VWA8: variants seen among roughly 807,000 people sequenced by gnomAD.
VWA8 encodes the protein von Willebrand factor A domain containing 8.
A neutral mutation model predicts 241.5 loss-of-function variants in VWA8; 221 were observed. That is an observed-to-expected ratio of 0.91 (90% confidence interval 0.82 to 1.02). The LOEUF is 1.02. Ranked by LOEUF, VWA8 falls within the 50% of genes least tolerant of loss-of-function variation. VWA8 has a pLI of 0.00. For synonymous variants in VWA8, 852 were observed against 827.1 expected (o/e 1.03, Z -0.52); for missense variants, 2,322 against 2,328.7 (o/e 1.00, Z 0.06).
intron 26 of VWA8, among the ~76,000 whole-genome samples, chr13:41,713,580 C>T (rs910536573): frequency 1.3e-5 from 2 of 152,114 alleles, no homozygotes; most frequent in Non-Finnish European, 2.9e-5. Flanking sequence ...ATTAGGGCAT[C>T]CTTTCCAGCT....
At chr13:41,650,171 AAAT>A (rs1452020888) in intron 37 of VWA8, among the ~76,000 whole-genome samples, 1 of 152,208 alleles carries the variant, frequency 6.6e-6, no homozygotes, top group Non-Finnish European at 1.5e-5. Flanking sequence ...TTATTATCAT[AAAT>A]AATAATATTG....
chr13:41,658,936 A>G (rs2044929887), intron 37 of VWA8, among the ~76,000 whole-genome samples: 1 of 152,244 alleles, frequency 6.6e-6, no homozygotes, highest in South Asian at 2.1e-4. Flanking sequence ...GCTTTAAATG[A>G]AACTCATTCC....
intron 9 of VWA8, among the ~76,000 whole-genome samples, chr13:41,882,292 C>T (rs1292393784): frequency 6.6e-6 from 1 of 150,912 alleles, no homozygotes; most frequent in Non-Finnish European, 1.5e-5. Flanking sequence ...GGATGGCGGC[C>T]GGGCAGAGAC....
In VWA8 at chr13:41,886,800, C is replaced by T; in HGVS notation, c.847G>A (p.Ala283Thr). 1 of 1,592,740 alleles carries T rather than the reference C, an allele frequency of 6.3e-7. No individual in the cohort carries two copies. The highest frequency in any genetic ancestry group is 8.5e-7 in the Non-Finnish European group (1 of 1,172,992). Residue 283 changes from alanine to threonine, a missense_variant, in exon 7 of 45, where the codon GCC (alanine) becomes ACC (threonine). Ala to Thr is a moderately conservative substitution (Grantham distance 58). Coordinates refer to ENST00000379310, the MANE Select transcript of VWA8 (RefSeq NM_015058.2). ...DQLKLLYSIG[A>T]NVSAEKVSQL... ...ACTTACTTCTCAGCAGAAACATTGG[C>T]TCCAATTGAATATAACAACTTAAGT...
chr13:41,892,403 A>G (rs1008104493), intron 4 of VWA8, among the ~76,000 whole-genome samples: 2 of 152,160 alleles, frequency 1.3e-5, no homozygotes, highest in African/African-American at 4.8e-5. Flanking sequence ...CTAAATTTAT[A>G]CTGTTATTCC....
chr13:41,755,161 T>G (rs2045685475), intron 21 of VWA8, among the ~76,000 whole-genome samples: 1 of 152,144 alleles, frequency 6.6e-6, no homozygotes, highest in Middle Eastern at 3.4e-3. Context: ...GGTAGCTCAA[T>G]TTTCAGTTTT....
chr13:41,569,940 TAAG>T (rs1012806796), intron 44 of VWA8, among the ~76,000 whole-genome samples: 108 of 143,708 alleles, frequency 7.5e-4, no homozygotes, highest in African/African-American at 3.0e-3. Context: ...TCTCCAGCAA[TAAG>T]AAGGGATACA....
intron 2 of VWA8, among the ~76,000 whole-genome samples, chr13:41,912,919 A>C (rs968256511): frequency 6.6e-6 from 1 of 152,182 alleles, no homozygotes; most frequent in African/African-American, 2.4e-5. Flanking sequence ...TAAATCACCC[A>C]GTGAGTCCAT....
chr13:41,800,026 T>C (rs940068549), intron 17 of VWA8, among the ~76,000 whole-genome samples: 1 of 152,230 alleles, frequency 6.6e-6, no homozygotes, highest in African/African-American at 2.4e-5. Context: ...TTCATGTAAA[T>C]AGAGCCAAAC....
chr13:41,572,146 C>T (rs1197071355), intron 43 of VWA8, among the ~76,000 whole-genome samples: 1 of 151,772 alleles, frequency 6.6e-6, no homozygotes, highest in African/African-American at 2.4e-5. Context: ...AGCCCCTCCG[C>T]CTGGCAGCCG....
intron 40 of VWA8, among the ~76,000 whole-genome samples, chr13:41,600,918 C>T (rs1182530361): frequency 2.0e-5 from 3 of 152,088 alleles, no homozygotes; most frequent in African/African-American, 7.2e-5. Context: ...ACTTCTCACC[C>T]GAATAACTGA....
At chr13:41,846,481 G>T (rs892101105) in intron 12 of VWA8, among the ~76,000 whole-genome samples, 1 of 152,184 alleles carries the variant, frequency 6.6e-6, no homozygotes, top group Non-Finnish European at 1.5e-5. Flanking sequence ...AATTAAATGA[G>T]ATAATGCCTG....
rs1442656107 is a variant in VWA8 at position 41,701,417 on chromosome 13, T to C, written c.3339A>G (p.Ile1113Met). Residue 1113 changes from isoleucine to methionine, a missense_variant, in exon 28 of 45, where the codon ATA (isoleucine) becomes ATG (methionine). Physicochemically the swap from Ile to Met is conservative, Grantham distance 10. Transcript: ENST00000379310. ...CATGTGATGTAGCAATGTCACAGATTATATTAATTTCATCCAATGGTATTC... is the reference window on the plus strand; with the variant it reads ...CATGTGATGTAGCAATGTCACAGATCATATTAATTTCATCCAATGGTATTC... ...SWRIPLDEIN[I>M]ICDIATSHEN... 1.2e-6 allele frequency: 2 copies of C among 1,607,974 alleles called. No individual in the cohort carries two copies. Among genetic ancestry groups the C allele is most frequent in the Non-Finnish European group, 1.7e-6 (2 of 1,177,994 alleles).
Position 41,912,033 on chromosome 13 carries a change from C to A in VWA8, c.372+5G>T. ...CTTAGAAATTGACAAGAATTAACTG[C>A]TCACCAAGTACTGCATAGCAATAGA... is the stretch of plus-strand genomic sequence containing the variant. On this transcript the variant is annotated splice_donor_5th_base_variant and intron_variant, in intron 3 of 44. Transcript: ENST00000379310. 1 of 1,564,792 alleles carries A rather than the reference C, an allele frequency of 6.4e-7. No individual in the cohort carries two copies. The highest frequency in any genetic ancestry group is 8.7e-7 in the Non-Finnish European group (1 of 1,155,248).
rs761468348 is a variant in VWA8, at chr13:41,819,249, T to A, written c.1838A>T (p.Lys613Ile). 1 of 1,609,684 alleles carries A rather than the reference T, an allele frequency of 6.2e-7. No individual in the cohort carries two copies. The highest frequency in any genetic ancestry group is 1.3e-5 in the African/African-American group (1 of 74,686). ...CTTAATCACTTGGATTTCTTCACTT[T>A]TCACAAGTGGTTTCATGTAATGGAA... is the stretch of plus-strand genomic sequence containing the variant. Reference protein sequence around the residue: ...FFFHYMKPLVKSEEIQVIKEK... With the variant: ...FFFHYMKPLVISEEIQVIKEK... Residue 613 changes from lysine to isoleucine, a missense_variant, in exon 15 of 45, where the codon AAA becomes ATA. Transcript: ENST00000379310.
intron 43 of VWA8, among the ~76,000 whole-genome samples, chr13:41,574,572 TC>T (rs1330224765): frequency 6.6e-6 from 1 of 152,032 alleles, no homozygotes; most frequent in Admixed American, 6.5e-5. Context: ...GAAAAAACAA[TC>T]CTAAAATTCA....
At chr13:41,784,822 G>A (rs1480322955) in intron 18 of VWA8, among the ~76,000 whole-genome samples, 1 of 145,714 alleles carries the variant, frequency 6.9e-6, no homozygotes, top group African/African-American at 2.5e-5. Flanking sequence ...TTTCGAGGTT[G>A]GTCCAGGAGG....
rs755091767 is a variant in VWA8, at chr13:41,703,777, A to ATT, written c.3117-368_3117-367dup. Among the ~76,000 whole-genome samples, 270 of 134,022 alleles carry ATT rather than the reference A, an allele frequency of 2.0e-3. 2 individuals carry two copies. Among genetic ancestry groups the ATT allele is most frequent in the African/African-American group, 4.6e-3 (169 of 36,444 alleles). The allele number at this position is 134,022 out of a possible 152,430, so 87.9% of individuals were successfully genotyped here. Reference sequence around the variant, plus strand: ...AGCAATCTATCAATTTTTTCAGTCTATTTTTTTTTTTTTTTTTGAGACGAA... The same window carrying ATT: ...AGCAATCTATCAATTTTTTCAGTCTATTTTTTTTTTTTTTTTTTTGAGACGAA... On this transcript the variant is annotated intron_variant, in intron 26 of 44. Transcript: ENST00000379310.
rs962635695 is a variant in VWA8 at position 41,891,475 on chromosome 13, T to A, written c.596A>T (p.Gln199Leu). The A allele has an allele frequency of 2.5e-6, 4 of 1,614,116 alleles. No individual in the cohort carries two copies. In the African/African-American group the frequency reaches 5.3e-5, roughly 22 times the overall value. The change falls in exon 5 of 45, where the codon CAG (glutamine) becomes CTG (leucine). Residue 199 changes from glutamine (Q) to leucine (L), a missense_variant. By Grantham distance (113) the Gln-to-Leu change is moderately radical. Transcript: ENST00000379310. ...LNNLLENREM[Q>L]LEDGRFLMSA... Reference sequence around the variant, plus strand: ...CATCAGGAAGCGTCCATCTTCAAGCTGCATCTCTCTGTTTTCCAGCAAGTT... The same window carrying A: ...CATCAGGAAGCGTCCATCTTCAAGCAGCATCTCTCTGTTTTCCAGCAAGTT...
Sources: gnomAD v4.1 joint callset for allele counts (sites outside exome capture counted in the v4.1 genomes callset) on GRCh38, gnomAD v4.1.1 for gene constraint, MANE v1.5 for transcripts, NCBI Gene and HGNC (gene_info 2026-07-23, HGNC 2026-07-21) for gene names.